RETREG1: variants seen among roughly 807,000 people sequenced by gnomAD.
RETREG1 encodes the protein family with sequence similarity 134 member B.
RETREG1 carries 44 observed loss-of-function variants against 54.8 expected under a neutral mutation model. The observed-to-expected ratio is 0.80, with a 90% confidence interval of 0.63 to 1.03. The LOEUF is 1.03. Among genes scored for constraint, RETREG1 ranks in the 50% least tolerant of loss-of-function variants. The probability of loss-of-function intolerance (pLI) is 0.00; values close to 1 mark genes in which losing one functional copy is unlikely to be tolerated. For missense variants in RETREG1, 554 were observed against 605.1 expected (o/e 0.92, Z 0.89); for synonymous variants, 217 against 238.5 (o/e 0.91, Z 0.83).
rs1181178609 is a variant in RETREG1, at chr5:16,594,777, C to A, written c.320+21875G>T. ...AAGCATTTTTCATAGACTACCATCACAAACTGGCTAAAAGTCTCTCACTAA... is the reference window on the plus strand; with the variant it reads ...AAGCATTTTTCATAGACTACCATCAAAAACTGGCTAAAAGTCTCTCACTAA... On this transcript the variant is annotated intron_variant, in intron 1 of 8. Transcript: ENST00000306320. This position sits in a 1 kb window ranked among gnomAD's most constrained non-coding sequence, Gnocchi z 4.4. Among the ~76,000 whole-genome samples the A allele has an allele frequency of 6.6e-6, 1 of 152,132 alleles. No homozygotes were observed. The highest frequency in any genetic ancestry group is 1.5e-5 in the Non-Finnish European group (1 of 68,024).
At chr5:16,480,004 A>T (rs1363512738) in intron 5 of RETREG1, among the ~76,000 whole-genome samples, 1 of 152,068 alleles carries the variant, frequency 6.6e-6, no homozygotes, top group Non-Finnish European at 1.5e-5. Flanking sequence ...ACATGTATTT[A>T]AAGTGTACAA....
chr5:16,569,586 C>T (rs868381408), intron 2 of RETREG1, among the ~76,000 whole-genome samples: 12 of 152,250 alleles, frequency 7.9e-5, no homozygotes, highest in Middle Eastern at 3.4e-3. Flanking sequence ...TTCTATTTGA[C>T]GCTTTTATTG....
chr5:16,526,618 G>A (rs576120354), intron 3 of RETREG1, among the ~76,000 whole-genome samples: 4 of 152,142 alleles, frequency 2.6e-5, no homozygotes, highest in African/African-American at 9.7e-5. Context: ...TCAGGCCCAA[G>A]GTTTTAATTT....
chr5:16,489,534 T>C (rs1485068616), intron 3 of RETREG1, among the ~76,000 whole-genome samples: 1 of 152,194 alleles, frequency 6.6e-6, no homozygotes, highest in Non-Finnish European at 1.5e-5. Context: ...ACCAATAGTA[T>C]CTTTGAGCAC....
At chr5:16,589,468 G>A (rs541380128) in intron 1 of RETREG1, among the ~76,000 whole-genome samples, 288 of 152,126 alleles carry the variant, frequency 1.9e-3, no homozygotes, top group African/African-American at 6.4e-3. Context: ...TCCACCTCCC[G>A]GGTTCAAGTG....
chr5:16,506,469 G>GT (rs1315908565), intron 3 of RETREG1, among the ~76,000 whole-genome samples: 13 of 107,588 alleles, frequency 1.2e-4, no homozygotes, highest in East Asian at 6.8e-4. Context: ...CAATCTTTTT[G>GT]TTTTTTTGTT....
intron 1 of RETREG1, among the ~76,000 whole-genome samples, chr5:16,592,442 G>A (rs1159649157): frequency 6.6e-6 from 1 of 152,194 alleles, no homozygotes; most frequent in Non-Finnish European, 1.5e-5. Context: ...ACACTTGCAT[G>A]CTGTTGGTGG....
chr5:16,557,431 A>T (rs1005550341), intron 3 of RETREG1, among the ~76,000 whole-genome samples: 5 of 152,184 alleles, frequency 3.3e-5, no homozygotes, highest in African/African-American at 1.2e-4. Context: ...TCTTCAGTGG[A>T]TCTAATTTTC....
At chr5:16,527,646 G>A (rs1425481503) in intron 3 of RETREG1, among the ~76,000 whole-genome samples, 3 of 152,008 alleles carry the variant, frequency 2.0e-5, no homozygotes, top group East Asian at 1.9e-4. Flanking sequence ...AATTCTTTCT[G>A]GGGGTGTGAC....
At chr5:16,550,276 A>T (rs115375590) in intron 3 of RETREG1, among the ~76,000 whole-genome samples, 5 of 14,742 alleles carry the variant, frequency 3.4e-4, no homozygotes, top group Non-Finnish European at 1.7e-3. Context: ...TTTAAAATTT[A>T]AAAAAAAAAA....
At chr5:16,481,182 G>C (rs1738757541) in intron 4 of RETREG1, 89 bp from the exon 5 acceptor site, 1 of 1,001,060 alleles carries the variant, frequency 1.0e-6, no homozygotes, top group Non-Finnish European at 1.6e-6. Context: ...TAAATCTATA[G>C]TGACCGGTAT....
At chr5:16,527,252 C>T (rs1015022065) in intron 3 of RETREG1, among the ~76,000 whole-genome samples, 2 of 152,202 alleles carry the variant, frequency 1.3e-5, no homozygotes, top group African/African-American at 4.8e-5. Flanking sequence ...GGGATTTGAA[C>T]CTAGGCCATC....
intron 2 of RETREG1, among the ~76,000 whole-genome samples, chr5:16,569,518 A>C (rs142948825): frequency 5.9e-4 from 89 of 152,112 alleles, no homozygotes; most frequent in African/African-American, 2.0e-3. Flanking sequence ...CACAAACCCC[A>C]TGTGGCCCTG....
At chr5:16,495,471 C>T (rs1315591786) in intron 3 of RETREG1, among the ~76,000 whole-genome samples, 1 of 152,188 alleles carries the variant, frequency 6.6e-6, no homozygotes, top group East Asian at 1.9e-4. Flanking sequence ...GAGCCAGGCC[C>T]AGGCCACCTC....
intron 3 of RETREG1, among the ~76,000 whole-genome samples, chr5:16,559,862 T>C (rs916588914): frequency 3.3e-5 from 5 of 152,238 alleles, no homozygotes; most frequent in African/African-American, 1.2e-4. Context: ...TATAATACTA[T>C]GGATCAGGTT....
At chr5:16,579,670 T>C (rs924550064) in intron 1 of RETREG1, among the ~76,000 whole-genome samples, 3 of 152,228 alleles carry the variant, frequency 2.0e-5, no homozygotes, top group Non-Finnish European at 2.9e-5. Flanking sequence ...TCCATAGTTT[T>C]GCCTTTTCCA....
chr5:16,518,813 GCAAA>G (rs1740441310), intron 3 of RETREG1, among the ~76,000 whole-genome samples: 1 of 152,092 alleles, frequency 6.6e-6, no homozygotes, highest in South Asian at 2.1e-4. Flanking sequence ...GAAAATTGAA[GCAAA>G]CCCTCCACCC....
chr5:16,475,360 G>C (rs540704260), intron 8 of RETREG1, 126 bp from the exon 9 acceptor site: 1 of 1,023,980 alleles, frequency 9.8e-7, no homozygotes, highest in African/African-American at 1.6e-5. Context: ...TAGCCTCCTG[G>C]GTCAACTTGA....
At position 16,508,735 on chromosome 5, in the gene RETREG1, T is replaced by C. The variant is rs1254681518; in HGVS notation, c.459-25263A>G. 4.5e-6 allele frequency: 7 copies of C among 1,545,072 alleles called. No individual in the cohort carries two copies. In the South Asian group the frequency reaches 7.3e-5, roughly 16 times the overall value. On this transcript the variant is annotated intron_variant, in intron 3 of 8. Coordinates refer to ENST00000306320, the MANE Select transcript of RETREG1 (RefSeq NM_001034850.3). The stretch of plus-strand genomic sequence containing the variant: ...GAATATCAGGAGGAAAAAAACCCAG[T>C]AGAGACGTTCTTTCCTTTTTGGAAA...
Sources: gnomAD v4.1 joint callset for allele counts (sites outside exome capture counted in the v4.1 genomes callset) on GRCh38, gnomAD v4.1.1 for gene constraint, Gnocchi (gnomAD v3.1) non-coding constraint, MANE v1.5 for transcripts, NCBI Gene and HGNC (gene_info 2026-07-23, HGNC 2026-07-21) for gene names.